The following ARHGAP15 variants were observed in gnomAD, a reference collection of about 807,000 sequenced individuals.
ARHGAP15 encodes the protein rho GTPase-activating protein 15.
A neutral mutation model predicts 63.7 loss-of-function variants in ARHGAP15; 51 were observed. The ratio of observed to expected loss-of-function variants is 0.80; its 90% CI spans 0.64 to 1.01. The LOEUF (loss-of-function observed/expected upper bound fraction) is 1.01, where lower values mean the gene tolerates loss of function less well. Among genes scored for constraint, ARHGAP15 ranks in the 50% least tolerant of loss-of-function variants. The probability of loss-of-function intolerance (pLI) is 0.00; values close to 1 mark genes in which losing one functional copy is unlikely to be tolerated. For synonymous variants in ARHGAP15, 191 were observed against 193.8 expected (o/e 0.99, Z 0.12); for missense variants, 560 against 564.6 (o/e 0.99, Z 0.08).
intron 3 of ARHGAP15, among the ~76,000 whole-genome samples, chr2:143,206,562 A>G (rs1448868624): frequency 6.6e-6 from 1 of 152,072 alleles, no homozygotes; most frequent in Non-Finnish European, 1.5e-5. Flanking sequence ...TCTGTCTCTC[A>G]ATAGCAGCTG....
intron 6 of ARHGAP15, among the ~76,000 whole-genome samples, chr2:143,302,999 C>A (rs940470350): frequency 1.3e-5 from 2 of 151,964 alleles, no homozygotes; most frequent in Admixed American, 1.3e-4. Context: ...CTTTTTAAAG[C>A]AGATTGGGCT....
At chr2:143,196,710 T>A (rs991620050) in intron 2 of ARHGAP15, among the ~76,000 whole-genome samples, 7 of 152,008 alleles carry the variant, frequency 4.6e-5, no homozygotes, top group Admixed American at 2.6e-4. Flanking sequence ...ATATAAGAAC[T>A]AGCAAAATAA....
At chr2:143,753,677 C>A (rs1019771290) in intron 13 of ARHGAP15, among the ~76,000 whole-genome samples, 1 of 152,154 alleles carries the variant, frequency 6.6e-6, no homozygotes, top group African/African-American at 2.4e-5. Flanking sequence ...ATGCATCGAG[C>A]ATTTTACCAA....
intron 11 of ARHGAP15, among the ~76,000 whole-genome samples, chr2:143,578,460 C>T (rs1696760597): frequency 6.6e-6 from 1 of 152,072 alleles, no homozygotes; most frequent in Admixed American, 6.6e-5. Context: ...CTTGCCAAGA[C>T]CTGATAGCAA....
At chr2:143,542,112 A>T (rs997889924) in intron 10 of ARHGAP15, among the ~76,000 whole-genome samples, 1 of 152,170 alleles carries the variant, frequency 6.6e-6, no homozygotes, top group Non-Finnish European at 1.5e-5. Context: ...GCCGCCTTGC[A>T]GTTTGATCTC....
At chr2:143,152,859 C>T (rs953220776) in intron 1 of ARHGAP15, among the ~76,000 whole-genome samples, 1 of 151,798 alleles carries the variant, frequency 6.6e-6, no homozygotes, top group Non-Finnish European at 1.5e-5. Context: ...GAAGTGAGGG[C>T]TGGAGGAGAG....
At chr2:143,700,333 C>A (rs1488787511) in intron 12 of ARHGAP15, among the ~76,000 whole-genome samples, 1 of 152,120 alleles carries the variant, frequency 6.6e-6, no homozygotes, top group African/African-American at 2.4e-5. Flanking sequence ...TTTTCTAACC[C>A]CACCCTGACT....
intron 2 of ARHGAP15, among the ~76,000 whole-genome samples, chr2:143,159,134 GA>G (rs1377480294): frequency 6.6e-6 from 1 of 151,840 alleles, no homozygotes; most frequent in Non-Finnish European, 1.5e-5. Context: ...TCATGAACAG[GA>G]AAATATTTTT....
At chr2:143,187,219 C>T (rs1024138735) in intron 2 of ARHGAP15, among the ~76,000 whole-genome samples, 3 of 152,088 alleles carry the variant, frequency 2.0e-5, no homozygotes, top group African/African-American at 4.8e-5. Context: ...GGGGAAGACT[C>T]ATTTGTCTGT....
At chr2:143,675,634 C>T (rs954837536) in intron 12 of ARHGAP15, among the ~76,000 whole-genome samples, 2 of 152,134 alleles carry the variant, frequency 1.3e-5, no homozygotes, top group Non-Finnish European at 2.9e-5. Context: ...AATACATTGA[C>T]AGTGATCTGC....
At chr2:143,747,661 A>G (rs967702314) in intron 13 of ARHGAP15, among the ~76,000 whole-genome samples, 2 of 151,996 alleles carry the variant, frequency 1.3e-5, no homozygotes, top group African/African-American at 4.8e-5. Flanking sequence ...GGCCTCTTTC[A>G]CCTGGCGATA....
chr2:143,741,124 G>A (rs12989517), intron 13 of ARHGAP15: 41,554 of 152,098 alleles, frequency 0.27, 7,142 homozygotes, highest in Middle Eastern at 0.39. Flanking sequence ...TGGCAAACAC[G>A]GTGAAAACAT....
chr2:143,178,029 TA>T, intron 2 of ARHGAP15, among the ~76,000 whole-genome samples: 1 of 152,296 alleles, frequency 6.6e-6, no homozygotes. Context: ...TTTAAGGAAT[TA>T]AAAAAATTTT....
rs578123567 is a variant in ARHGAP15 at position 143,761,391 on chromosome 2, T to C, written c.1245-6598T>C. ...TATGTGTGTTGGAAAATCATGGCAT[T>C]CCACAGATAGAGAAGGGAACATTTC... On this transcript the variant is annotated intron_variant, in intron 13 of 13. Coordinates refer to ENST00000295095, the MANE Select transcript of ARHGAP15 (RefSeq NM_018460.4). Among the ~76,000 whole-genome samples the C allele has an allele frequency of 1.6e-4, 25 of 152,268 alleles. No individual in the cohort carries two copies. The South Asian group carries it at 5.2e-3, about 32-fold the overall frequency.
intron 11 of ARHGAP15, among the ~76,000 whole-genome samples, chr2:143,604,947 C>T (rs865957507): frequency 1.3e-5 from 2 of 152,160 alleles, no homozygotes; most frequent in Middle Eastern, 3.4e-3. Flanking sequence ...CTCACTCTGT[C>T]GCTCAGGCTG....
chr2:143,137,746 A>G (rs1359521013), intron 1 of ARHGAP15, among the ~76,000 whole-genome samples: 4 of 152,100 alleles, frequency 2.6e-5, no homozygotes, highest in Non-Finnish European at 5.9e-5. Context: ...CATCTCTTTA[A>G]AAGAGCTATG....
intron 12 of ARHGAP15, among the ~76,000 whole-genome samples, chr2:143,640,182 C>T (rs1680537610): frequency 2.0e-5 from 3 of 152,040 alleles, no homozygotes; most frequent in Admixed American, 2.0e-4. Flanking sequence ...AGTTCCGGCA[C>T]TAAATGAATT....
At chr2:143,168,050 C>G (rs1243604785) in intron 2 of ARHGAP15, among the ~76,000 whole-genome samples, 1 of 152,102 alleles carries the variant, frequency 6.6e-6, no homozygotes, top group African/African-American at 2.4e-5. Context: ...AAAGCATAAA[C>G]TTAGAAGTGT....
intron 2 of ARHGAP15, among the ~76,000 whole-genome samples, chr2:143,178,819 C>T (rs747199095): frequency 5.3e-5 from 8 of 152,136 alleles, no homozygotes; most frequent in Non-Finnish European, 1.0e-4. Context: ...ATGCTTCATA[C>T]ATTTTGAGTT....
Sources: allele counts gnomAD v4.1 joint callset (sites outside exome capture counted in the v4.1 genomes callset), GRCh38; gene constraint gnomAD v4.1.1; transcripts MANE v1.5; gene names NCBI Gene and HGNC (gene_info 2026-07-23, HGNC 2026-07-21).